The following PTK2 variants were observed in gnomAD, a reference collection of about 807,000 sequenced individuals.
PTK2 encodes the protein protein tyrosine kinase 2, also known as focal adhesion kinase 1.
Under a neutral mutation model 150.1 loss-of-function variants are expected in PTK2, and 45 were observed. The observed-to-expected ratio is 0.30, with a 90% CI of 0.24 to 0.38. PTK2 has a LOEUF of 0.38. Among genes scored for constraint, PTK2 ranks in the 10% least tolerant of loss-of-function variants. The probability of loss-of-function intolerance (pLI) is 1.00; values close to 1 mark genes in which losing one functional copy is unlikely to be tolerated. For missense variants in PTK2, 919 were observed against 1,307.3 expected (o/e 0.70, Z 4.58); for synonymous variants, 432 against 449.2 (o/e 0.96, Z 0.48).
At chr8:140,983,380 CAAAAAAAAAAA>C (rs34040387) in intron 1 of PTK2, among the ~76,000 whole-genome samples, 1,722 of 78,548 alleles carry the variant, frequency 0.022, 41 homozygotes, top group African/African-American at 0.081. Context: ...GACTCCATCT[CAAAAAAAAAAA>C]AAAAAAAAAA....
At chr8:140,729,069 G>A (rs2100047661) in intron 22 of PTK2, among the ~76,000 whole-genome samples, 3 of 151,632 alleles carry the variant, frequency 2.0e-5, no homozygotes, top group African/African-American at 4.8e-5. Flanking sequence ...ACTGAGAAGC[G>A]ATATGAAAAA....
rs1159030784 is a variant in PTK2, at chr8:140,701,004, G to T, written c.2386C>A (p.Leu796Met). ...GGCAACACTTGCCCAATCCCTCGCAGGTCCAATACTGTAGAGTCCTGGAAG... is the reference window on the plus strand; with the variant it reads ...GGCAACACTTGCCCAATCCCTCGCATGTCCAATACTGTAGAGTCCTGGAAG... The change falls in exon 26 of 32, where the codon CTG (leucine) becomes ATG (methionine). Residue 796 changes from leucine (L) to methionine (M), a missense_variant. Transcript: ENST00000522684. The T allele has an allele frequency of 6.8e-6, 11 of 1,613,960 alleles. No individual in the cohort carries two copies. The East Asian group carries it at 2.2e-4, about 33-fold the overall frequency.
intron 27 of PTK2, among the ~76,000 whole-genome samples, chr8:140,682,151 C>T (rs1399830263): frequency 6.6e-6 from 1 of 152,046 alleles, no homozygotes; most frequent in East Asian, 1.9e-4. Flanking sequence ...AGCAAATGGG[C>T]CAGGTGGATC....
chr8:140,978,868 A>T (rs2100190341), intron 1 of PTK2, among the ~76,000 whole-genome samples: 3 of 151,450 alleles, frequency 2.0e-5, no homozygotes, highest in Admixed American at 6.6e-5. Flanking sequence ...CCAAATGTCC[A>T]TCAGTGATAG....
chr8:140,949,025 CTCT>C (rs1402010070), intron 1 of PTK2, among the ~76,000 whole-genome samples: 1 of 151,842 alleles, frequency 6.6e-6, no homozygotes, highest in East Asian at 1.9e-4. Flanking sequence ...AGACCAACCC[CTCT>C]TCTTCCTCCT....
chr8:140,800,657 T>C lies in PTK2; in HGVS notation c.976-81A>G, dbSNP rs2100094515. 2.9e-6 allele frequency: 3 copies of C among 1,033,882 alleles called. No homozygotes were observed. The South Asian group carries it at 3.9e-5, about 13-fold the overall frequency. 64.0% of individuals were successfully genotyped at this position (1,033,882 alleles called of 1,614,324 possible). A position where few individuals can be genotyped will look rare whatever the true frequency, so the allele number is the denominator to read the frequency against. ...GACAGCTGTGCTATGACATCAGACATCTCTATACACTTGAAAACAGAGAAG... is the reference window on the plus strand; with the variant it reads ...GACAGCTGTGCTATGACATCAGACACCTCTATACACTTGAAAACAGAGAAG... On this transcript the variant is annotated intron_variant, in intron 11 of 31. Transcript: ENST00000522684.
At chr8:140,763,846 T>C (rs1462834488) in intron 15 of PTK2, among the ~76,000 whole-genome samples, 1 of 152,140 alleles carries the variant, frequency 6.6e-6, no homozygotes, top group Non-Finnish European at 1.5e-5. Flanking sequence ...TATACGTGTG[T>C]GTATGTATGT....
chr8:140,968,098 ATC>A (rs1219783099), intron 1 of PTK2, among the ~76,000 whole-genome samples: 4 of 152,216 alleles, frequency 2.6e-5, no homozygotes, highest in Non-Finnish European at 5.9e-5. Context: ...CTCATTCACT[ATC>A]TCTGCACTGA....
At chr8:140,668,467 T>C in intron 29 of PTK2, 43 bp from the exon 34 acceptor site, 1 of 1,567,362 alleles carries the variant, frequency 6.4e-7, no homozygotes, top group Non-Finnish European at 8.6e-7. Context: ...CTCCAGCAGA[T>C]GGCGTGAGAT....
intron 4 of PTK2, among the ~76,000 whole-genome samples, chr8:140,867,224 C>G (rs1444602464): frequency 1.3e-5 from 2 of 152,052 alleles, no homozygotes; most frequent in Admixed American, 6.5e-5. Flanking sequence ...AGGGTATACA[C>G]CATGCAGAAG....
At chr8:140,709,123 G>A (rs1317821321) in intron 23 of PTK2, among the ~76,000 whole-genome samples, 2 of 152,054 alleles carry the variant, frequency 1.3e-5, no homozygotes, top group Non-Finnish European at 2.9e-5. Context: ...ATTTAAATAG[G>A]GGCATATAGG....
Position 140,890,779 on chromosome 8 carries a change from G to C in PTK2, c.-32-10C>G, listed in dbSNP as rs756407434. The C allele has an allele frequency of 1.5e-5, 24 of 1,608,384 alleles. No homozygotes were observed. The highest frequency in any genetic ancestry group is 2.0e-5 in the Non-Finnish European group (24 of 1,175,162). On this transcript the variant is annotated splice_polypyrimidine_tract_variant and intron_variant, in intron 2 of 31. Coordinates refer to ENST00000522684, the Ensembl canonical transcript of PTK2. ...AGGTATCTGTCATATTCTGTTAAAA[G>C]AACAAAATAATTTTTTGTGTATAAT...
At chr8:140,922,233 T>C (rs564778280) in intron 2 of PTK2, among the ~76,000 whole-genome samples, 1 of 152,168 alleles carries the variant, frequency 6.6e-6, no homozygotes, top group Non-Finnish European at 1.5e-5. Flanking sequence ...TGTCTCTAGG[T>C]TTACTTTCAG....
chr8:140,986,710 T>C (rs2100193368), intron 1 of PTK2, among the ~76,000 whole-genome samples: 1 of 152,162 alleles, frequency 6.6e-6, no homozygotes, highest in Admixed American at 6.5e-5. Context: ...CCAGCAGAAC[T>C]AGAGCTATGA....
intron 10 of PTK2, among the ~76,000 whole-genome samples, chr8:140,817,651 A>G (rs2100105566): frequency 2.6e-5 from 4 of 152,182 alleles, no homozygotes; most frequent in Admixed American, 1.3e-4. Flanking sequence ...AAGCTACATA[A>G]AGACAAAGGA....
intron 1 of PTK2, among the ~76,000 whole-genome samples, chr8:140,938,979 G>A (rs2100174699): frequency 2.4e-5 from 3 of 125,072 alleles, no homozygotes; most frequent in Admixed American, 2.3e-4. Context: ...CCCATTCTCA[G>A]TATTTTTTTT....
At chr8:140,669,176 A>G (rs1300129577) in intron 29 of PTK2, 1 of 151,982 alleles carries the variant, frequency 6.6e-6, no homozygotes, top group East Asian at 1.9e-4. Context: ...TGGGCACAGA[A>G]GAGACATCAA....
chr8:140,805,790 T>A (rs1486760286), intron 10 of PTK2, among the ~76,000 whole-genome samples: 1 of 152,110 alleles, frequency 6.6e-6, no homozygotes, highest in East Asian at 1.9e-4. Context: ...TTTCCTAGTT[T>A]CCCTTCATCC....
At chr8:140,811,289 A>T (rs1192946724) in intron 10 of PTK2, among the ~76,000 whole-genome samples, 1 of 152,190 alleles carries the variant, frequency 6.6e-6, no homozygotes, top group Non-Finnish European at 1.5e-5. Context: ...ACAGTCCAGG[A>T]GTTGGGGGCT....
Sources: gnomAD v4.1 joint callset for allele counts (sites outside exome capture counted in the v4.1 genomes callset) on GRCh38, gnomAD v4.1.1 for gene constraint, MANE v1.5 for transcripts, NCBI Gene and HGNC (gene_info 2026-07-23, HGNC 2026-07-21) for gene names.